Variants in GNA12 observed in about 807,000 individuals in gnomAD.
GNA12 encodes guanine nucleotide-binding protein subunit alpha-12.
Under a neutral mutation model 26.0 loss-of-function variants are expected in GNA12, and 9 were observed. That is an observed-to-expected ratio of 0.35 (90% CI 0.21 to 0.60). GNA12 has a LOEUF of 0.60. Ranked by LOEUF, GNA12 falls within the 20% of genes least tolerant of loss-of-function variation. The pLI, the probability that GNA12 is intolerant of heterozygous loss-of-function variation, is 0.78. For missense variants in GNA12, 405 were observed against 525.8 expected (o/e 0.77, Z 2.25); for synonymous variants, 264 against 219.6 (o/e 1.20, Z -1.79).
intron 1 of GNA12, among the ~76,000 whole-genome samples, chr7:2,842,419 C>T (rs1176160230): frequency 1.3e-5 from 2 of 152,178 alleles, no homozygotes; most frequent in African/African-American, 2.4e-5. Flanking sequence ...CTACCTCAGC[C>T]GCTCAAGCAA....
At chr7:2,796,139 A>G (rs1792665796) in intron 1 of GNA12, among the ~76,000 whole-genome samples, 1 of 152,138 alleles carries the variant, frequency 6.6e-6, no homozygotes, top group Admixed American at 6.5e-5. Context: ...CAAAAAAACA[A>G]TGTTTTAACA....
At chr7:2,782,086 C>T (rs1233963246) in intron 2 of GNA12, among the ~76,000 whole-genome samples, 2 of 152,156 alleles carry the variant, frequency 1.3e-5, no homozygotes, top group South Asian at 2.1e-4. Flanking sequence ...TGTGCTAGAA[C>T]AACTGAGTGT....
intron 2 of GNA12, among the ~76,000 whole-genome samples, chr7:2,768,931 T>C (rs1791880721): frequency 1.3e-5 from 2 of 152,364 alleles, no homozygotes; most frequent in South Asian, 2.1e-4. Flanking sequence ...CTTAGATATA[T>C]TTCCTTTTCT....
chr7:2,844,172 G>A lies in GNA12; in HGVS notation c.-11C>T. 2 of 981,536 alleles carry A rather than the reference G, an allele frequency of 2.0e-6. No homozygotes were observed. The highest frequency in any genetic ancestry group is 1.8e-5 in the African/African-American group (1 of 56,576). 60.8% of individuals were successfully genotyped at this position (981,536 alleles called of 1,614,324 possible). ...CACCACCCCGGACATGGCCCCTCAG[G>A]CCGCGGCCGCGCCCCGCCGGCGCCC... On this transcript the variant is annotated 5_prime_UTR_variant, in exon 1 of 4. Coordinates refer to ENST00000275364, the MANE Select transcript of GNA12 (RefSeq NM_007353.3).
At chr7:2,779,888 A>T (rs1792177975) in intron 2 of GNA12, among the ~76,000 whole-genome samples, 1 of 152,006 alleles carries the variant, frequency 6.6e-6, no homozygotes, top group Non-Finnish European at 1.5e-5. Flanking sequence ...GTGAGCCAGC[A>T]GGCTTGGCGA....
chr7:2,808,556 A>C lies in GNA12; in HGVS notation c.310-13413T>G, dbSNP rs112705834. 4.1e-3 allele frequency among the ~76,000 whole-genome samples: 623 copies of C among 152,326 alleles called. 5 individuals are homozygous for C. The highest frequency in any genetic ancestry group is 0.014 in the African/African-American group (578 of 41,572). ...CGCACAGGAGGACCTCACTCCCCAC[A>C]GAGCAGCAGCGGCCTGCAGCTAGGG... On this transcript the variant is annotated intron_variant, in intron 1 of 3. Transcript: ENST00000275364.
At position 2,731,248 on chromosome 7, in the gene GNA12, C is replaced by A; in HGVS notation, c.1079G>T (p.Arg360Leu). ...FTTAIDTENV[R>L]FVFHAVKDTI... ...GTCTTTCACAGCATGGAACACGAAG[C>A]GGACGTTCTCGGTGTCGATGGCGGT... Residue 360 changes from arginine to leucine, a missense_variant, in exon 4 of 4, where the codon CGC (arginine) becomes CTC (leucine). Physicochemically the swap from Arg to Leu is moderately radical, Grantham distance 102. Transcript: ENST00000275364. The surrounding 1 kb of genome is among the most constrained non-coding windows in gnomAD (Gnocchi z 6.0). 1.9e-6 allele frequency: 3 copies of A among 1,613,740 alleles called. No individual in the cohort carries two copies. Among genetic ancestry groups the A allele is most frequent in the Non-Finnish European group, 2.5e-6 (3 of 1,179,914 alleles).
At chr7:2,788,077 C>T (rs537329897) in intron 2 of GNA12, among the ~76,000 whole-genome samples, 83 of 152,214 alleles carry the variant, frequency 5.5e-4, no homozygotes, top group Admixed American at 1.8e-3. Flanking sequence ...TCGCTTGAAC[C>T]CAGGAGGCAG....
At chr7:2,809,769 G>A (rs1258097430) in intron 1 of GNA12, among the ~76,000 whole-genome samples, 1 of 152,042 alleles carries the variant, frequency 6.6e-6, no homozygotes, top group African/African-American at 2.4e-5. Flanking sequence ...AATAGAAGAA[G>A]CAATTTTCAC....
intron 1 of GNA12, among the ~76,000 whole-genome samples, chr7:2,819,539 C>G (rs1462791428): frequency 6.6e-6 from 1 of 152,212 alleles, no homozygotes; most frequent in East Asian, 1.9e-4. Context: ...AACACAATAA[C>G]CAAAAGCAGT....
chr7:2,839,217 A>G (rs1270023577), intron 1 of GNA12, among the ~76,000 whole-genome samples: 1 of 151,578 alleles, frequency 6.6e-6, no homozygotes, highest in Non-Finnish European at 1.5e-5. Context: ...AAATCAACAA[A>G]AGAGAGACAA....
At chr7:2,835,859 A>C in intron 1 of GNA12, 1 of 601,446 alleles carries the variant, frequency 1.7e-6, no homozygotes, top group South Asian at 1.6e-5. Flanking sequence ...AGCCATTCTC[A>C]AGAAGAAACA....
At chr7:2,743,021 C>T (rs753080778) in intron 2 of GNA12, among the ~76,000 whole-genome samples, 3 of 152,180 alleles carry the variant, frequency 2.0e-5, no homozygotes, top group Non-Finnish European at 4.4e-5. Flanking sequence ...AGACAGAAAG[C>T]CTACCATCTT....
chr7:2,809,340 C>T (rs1195587251), intron 1 of GNA12, among the ~76,000 whole-genome samples: 1 of 152,172 alleles, frequency 6.6e-6, no homozygotes, highest in Non-Finnish European at 1.5e-5. Flanking sequence ...GTGAGGAGCA[C>T]TCAAGTAACA....
rs141303601 is a variant in GNA12 at position 2,752,414 on chromosome 7, C to T, written c.526-18913G>A. ...GATGCCCACTTTTACTGCTTCTGGTCAATGCTAAGTTAGAAAGACTAACAG... is the reference window on the plus strand; with the variant it reads ...GATGCCCACTTTTACTGCTTCTGGTTAATGCTAAGTTAGAAAGACTAACAG... On this transcript the variant is annotated intron_variant, in intron 2 of 3. Transcript: ENST00000275364. Among the ~76,000 whole-genome samples, 652 of 152,260 alleles carry T rather than the reference C, an allele frequency of 4.3e-3. 7 individuals carry two copies. Among genetic ancestry groups the T allele is most frequent in the African/African-American group, 0.015 (619 of 41,538 alleles).
intron 2 of GNA12, chr7:2,762,535 C>A (rs760646219): frequency 8.2e-7 from 1 of 1,212,314 alleles, no homozygotes; most frequent in African/African-American, 1.6e-5. Context: ...AGTTCCACCA[C>A]GCCTTCTATT....
In GNA12 at chr7:2,741,606, T is replaced by A. The variant is rs534777766; in HGVS notation, c.526-8105A>T. 2.0e-5 allele frequency among the ~76,000 whole-genome samples: 3 copies of A among 152,278 alleles called. 1 individual carries two copies. In the East Asian group the frequency reaches 5.8e-4, roughly 29 times the overall value. ...AGGTATGTGTGAAAAGTTGCAAGAA[T>A]AGTACAAAGAGCTCATACAGTCTTT... On this transcript the variant is annotated intron_variant, in intron 2 of 3. Coordinates refer to ENST00000275364, the MANE Select transcript of GNA12 (RefSeq NM_007353.3).
At chr7:2,767,477 C>G (rs888148288) in intron 2 of GNA12, among the ~76,000 whole-genome samples, 1 of 152,142 alleles carries the variant, frequency 6.6e-6, no homozygotes. Context: ...AATAAATGTA[C>G]AATCACTTAT....
intron 1 of GNA12, among the ~76,000 whole-genome samples, chr7:2,806,325 A>G (rs1378755980): frequency 6.6e-6 from 1 of 152,126 alleles, no homozygotes; most frequent in East Asian, 1.9e-4. Context: ...CTAAAAACAC[A>G]AAAATTAGTT....
Sources: gnomAD v4.1 joint callset for allele counts (sites outside exome capture counted in the v4.1 genomes callset) on GRCh38, gnomAD v4.1.1 for gene constraint, Gnocchi (gnomAD v3.1) non-coding constraint, MANE v1.5 for transcripts, NCBI Gene and HGNC (gene_info 2026-07-23, HGNC 2026-07-21) for gene names.